The following IL1RAPL1 variants were observed in gnomAD, a reference collection of about 807,000 sequenced individuals.
IL1RAPL1 encodes the protein interleukin-1 receptor accessory protein-like 1.
IL1RAPL1 carries 3 observed loss-of-function variants against 48.4 expected under a neutral mutation model. The observed-to-expected ratio is 0.06, with a 90% CI of 0.03 to 0.16. The LOEUF (loss-of-function observed/expected upper bound fraction) is 0.16, where lower values mean the gene tolerates loss of function less well. Among genes scored for constraint, IL1RAPL1 ranks in the 10% least tolerant of loss-of-function variants. The probability of loss-of-function intolerance (pLI) is 1.00; values close to 1 mark genes in which losing one functional copy is unlikely to be tolerated. For missense variants in IL1RAPL1, 349 were observed against 530.6 expected (o/e 0.66, Z 3.36); for synonymous variants, 185 against 187.7 (o/e 0.99, Z 0.12).
intron 6 of IL1RAPL1, among the ~76,000 whole-genome samples, chrX:29,873,580 G>A (rs751925737): frequency 3.6e-5 from 4 of 111,539 alleles, no homozygotes; most frequent in East Asian, 5.7e-4. Flanking sequence ...GAGAGCTCAC[G>A]CCAGACATTG....
At chrX:29,724,468 A>G (rs189211944) in intron 6 of IL1RAPL1, among the ~76,000 whole-genome samples, 22 of 112,521 alleles carry the variant, frequency 2.0e-4, no homozygotes, top group African/African-American at 7.1e-4. Context: ...TACATTGACA[A>G]TTACAAAGCT....
rs760750427 is a variant in IL1RAPL1 at position 28,725,247 on chromosome X, G to A, written c.-24-64073G>A. Among the ~76,000 whole-genome samples the A allele has an allele frequency of 1.4e-4, 16 of 111,059 alleles. 2 individuals carry two copies. In the South Asian group the frequency reaches 5.0e-3, roughly 34 times the overall value. The stretch of plus-strand genomic sequence containing the variant: ...TTACAGGCATGAGCCACCATGCCTG[G>A]CCCTTGGTGTGTTTTTTAAAACACA... On this transcript the variant is annotated intron_variant, in intron 1 of 10. Transcript: ENST00000378993.
intron 2 of IL1RAPL1, among the ~76,000 whole-genome samples, chrX:28,989,567 C>T (rs775909436): frequency 3.0e-4 from 34 of 112,031 alleles, no homozygotes; most frequent in African/African-American, 1.1e-3. Flanking sequence ...GATACACTGA[C>T]GCATATACAA....
chrX:28,711,966 A>G (rs1935446839), intron 1 of IL1RAPL1, among the ~76,000 whole-genome samples: 2 of 110,876 alleles, frequency 1.8e-5, no homozygotes, highest in South Asian at 7.5e-4. Context: ...TATACACATA[A>G]GAGAACTGAA....
chrX:29,012,999 A>G (rs772268831), intron 2 of IL1RAPL1, among the ~76,000 whole-genome samples: 6 of 111,704 alleles, frequency 5.4e-5, no homozygotes, highest in Non-Finnish European at 1.1e-4. Context: ...AATGACATAC[A>G]ACTTTAACAG....
At chrX:29,848,412 AT>A (rs770213524) in intron 6 of IL1RAPL1, among the ~76,000 whole-genome samples, 7 of 103,889 alleles carry the variant, frequency 6.7e-5, no homozygotes, top group South Asian at 4.2e-4. Flanking sequence ...AGCACCACAT[AT>A]TTTTTTTCTT....
At chrX:29,064,194 G>C (rs891965699) in intron 2 of IL1RAPL1, among the ~76,000 whole-genome samples, 2 of 112,209 alleles carry the variant, frequency 1.8e-5, no homozygotes, top group Non-Finnish European at 3.8e-5. Context: ...TCATTTAGAG[G>C]AGGATTGAGC....
chrX:29,888,125 G>A (rs1463172819), intron 6 of IL1RAPL1, among the ~76,000 whole-genome samples: 1 of 107,753 alleles, frequency 9.3e-6, no homozygotes, highest in Non-Finnish European at 1.9e-5. Flanking sequence ...GTTTACAGAA[G>A]TTAGGATTTT....
chrX:29,367,559 TA>T (rs1933481835), intron 3 of IL1RAPL1, among the ~76,000 whole-genome samples: 1 of 100,480 alleles, frequency 1.0e-5, no homozygotes, highest in Admixed American at 1.1e-4. Flanking sequence ...TATTTTTATT[TA>T]TTTATTTATT....
At chrX:29,502,002 C>T (rs1047950927) in intron 5 of IL1RAPL1, among the ~76,000 whole-genome samples, 31 of 110,431 alleles carry the variant, frequency 2.8e-4, no homozygotes, top group African/African-American at 9.2e-4. Context: ...CAATTTATTT[C>T]GTCAGGGTTT....
intron 5 of IL1RAPL1, among the ~76,000 whole-genome samples, chrX:29,518,420 A>G (rs1196792880): frequency 9.0e-6 from 1 of 111,056 alleles, no homozygotes; most frequent in Non-Finnish European, 1.9e-5. Context: ...TTTGAGTAGC[A>G]AAGAGTATAT....
chrX:29,577,706 T>C (rs1922823793), intron 5 of IL1RAPL1, among the ~76,000 whole-genome samples: 1 of 112,013 alleles, frequency 8.9e-6, no homozygotes, highest in Admixed American at 9.5e-5. Context: ...GTGGGACATA[T>C]GGCAAAGGTA....
intron 2 of IL1RAPL1, among the ~76,000 whole-genome samples, chrX:29,122,433 A>T (rs1928811179): frequency 1.0e-5 from 1 of 100,429 alleles, no homozygotes; most frequent in Non-Finnish European, 2.0e-5. Flanking sequence ...ACACACACAC[A>T]CACACACACA....
At chrX:29,122,277 C>T (rs190660652) in intron 2 of IL1RAPL1, among the ~76,000 whole-genome samples, 1,127 of 110,793 alleles carry the variant, frequency 0.01, 12 homozygotes, top group Non-Finnish European at 0.016. Context: ...GTAATGTAAA[C>T]CTGTATTAAT....
At chrX:29,361,275 C>G in intron 3 of IL1RAPL1, among the ~76,000 whole-genome samples, 1 of 111,034 alleles carries the variant, frequency 9.0e-6, no homozygotes, top group East Asian at 2.8e-4. Flanking sequence ...GAGACGGGCA[C>G]CAAAAAATGG....
chrX:29,341,027 T>C (rs368656766), intron 3 of IL1RAPL1, among the ~76,000 whole-genome samples: 2 of 112,455 alleles, frequency 1.8e-5, no homozygotes, highest in East Asian at 5.6e-4. Flanking sequence ...AATATTCAAA[T>C]GTCCACTGAA....
intron 6 of IL1RAPL1, among the ~76,000 whole-genome samples, chrX:29,854,699 T>A (rs1931444242): frequency 9.0e-6 from 1 of 111,515 alleles, no homozygotes; most frequent in Non-Finnish European, 1.9e-5. Flanking sequence ...TTTCCTGGTT[T>A]AGAGTAATGA....
At chrX:28,775,057 A>G (rs928594883) in intron 1 of IL1RAPL1, among the ~76,000 whole-genome samples, 1 of 112,312 alleles carries the variant, frequency 8.9e-6, no homozygotes, top group Non-Finnish European at 1.9e-5. Flanking sequence ...GAACTACTGC[A>G]TTAGCCTTCT....
At chrX:28,932,277 A>G (rs1923904713) in intron 2 of IL1RAPL1, among the ~76,000 whole-genome samples, 1 of 111,114 alleles carries the variant, frequency 9.0e-6, no homozygotes, top group East Asian at 2.8e-4. Context: ...TTCTATTTGC[A>G]TTGCCATAGC....
Sources: gnomAD v4.1 joint callset for allele counts (sites outside exome capture counted in the v4.1 genomes callset) on GRCh38, gnomAD v4.1.1 for gene constraint, MANE v1.5 for transcripts, NCBI Gene and HGNC (gene_info 2026-07-23, HGNC 2026-07-21) for gene names.